LAMA2: variants seen among roughly 807,000 people sequenced by gnomAD.
LAMA2 encodes laminin subunit alpha 2, also known as laminin subunit alpha-2.
LAMA2 carries 269 observed loss-of-function variants against 364.8 expected under a neutral mutation model. The observed-to-expected ratio is 0.74, with a 90% CI of 0.67 to 0.82. LAMA2 has a LOEUF of 0.82. Among genes scored for constraint, LAMA2 ranks in the 40% least tolerant of loss-of-function variants. The pLI is 0.00. For missense variants in LAMA2, 3,807 were observed against 3,873.2 expected (o/e 0.98, Z 0.45); for synonymous variants, 1,379 against 1,370.6 (o/e 1.01, Z -0.14).
intron 5 of LAMA2, among the ~76,000 whole-genome samples, chr6:129,146,652 C>G (rs1172348106): frequency 6.6e-6 from 1 of 151,984 alleles, no homozygotes; most frequent in Non-Finnish European, 1.5e-5. Flanking sequence ...AATAGCTGTC[C>G]TTAGCCCCAG....
At chr6:129,401,447 T>A in intron 38 of LAMA2, 107 bp downstream of exon 38, 1 of 793,302 alleles carries the variant, frequency 1.3e-6, no homozygotes, top group South Asian at 1.4e-5. Flanking sequence ...CTTGTGGAGA[T>A]AAAATTATTT....
chr6:128,958,934 A>T (rs1364139491), intron 1 of LAMA2, among the ~76,000 whole-genome samples: 4 of 152,184 alleles, frequency 2.6e-5, no homozygotes, highest in Non-Finnish European at 4.4e-5. Context: ...CCTAGTATGG[A>T]AGACAAAGAT....
intron 17 of LAMA2, among the ~76,000 whole-genome samples, chr6:129,271,139 C>T (rs2448011): frequency 0.13 from 20,330 of 152,122 alleles, 2,245 homozygotes; most frequent in East Asian, 0.64. Context: ...GGGTTCTACC[C>T]ATACACTATT....
intron 1 of LAMA2, among the ~76,000 whole-genome samples, chr6:128,910,870 C>G (rs1174790198): frequency 1.3e-5 from 2 of 151,464 alleles, no homozygotes; most frequent in African/African-American, 4.9e-5. Flanking sequence ...GGACCCTCAA[C>G]TGCAGGTCTG....
At chr6:129,400,722 T>C (rs894909515) in intron 37 of LAMA2, among the ~76,000 whole-genome samples, 3 of 152,240 alleles carry the variant, frequency 2.0e-5, no homozygotes, top group African/African-American at 7.2e-5. Context: ...GTCCATTAGG[T>C]TGATTCTTCC....
chr6:129,248,658 C>T (rs960665793), intron 12 of LAMA2, among the ~76,000 whole-genome samples: 3 of 152,202 alleles, frequency 2.0e-5, no homozygotes, highest in African/African-American at 2.4e-5. Flanking sequence ...TCCCAAACCT[C>T]CTTTCAAACG....
intron 58 of LAMA2, among the ~76,000 whole-genome samples, chr6:129,493,465 C>T (rs929890895): frequency 1.3e-5 from 2 of 152,300 alleles, no homozygotes; most frequent in East Asian, 3.9e-4. Flanking sequence ...AGATCGGATG[C>T]TTTCAGGGTG....
chr6:129,474,561 C>G (rs1783976003), intron 52 of LAMA2, among the ~76,000 whole-genome samples: 1 of 152,098 alleles, frequency 6.6e-6, no homozygotes, highest in African/African-American at 2.4e-5. Flanking sequence ...GTGACAGGCT[C>G]CATACCAAAT....
chr6:129,008,093 A>G (rs1348860174), intron 1 of LAMA2, among the ~76,000 whole-genome samples: 1 of 152,176 alleles, frequency 6.6e-6, no homozygotes, highest in Non-Finnish European at 1.5e-5. Context: ...GTAGTTCACT[A>G]TTGAAATCAT....
At chr6:128,997,797 AAG>A (rs1784082688) in intron 1 of LAMA2, among the ~76,000 whole-genome samples, 1 of 152,184 alleles carries the variant, frequency 6.6e-6, no homozygotes. Context: ...TCTGTCTCAA[AAG>A]AAAAAAAAAG....
At chr6:129,177,588 T>C (rs1454207736) in intron 9 of LAMA2, 118 bp from the exon 10 acceptor site, 20 of 990,192 alleles carry the variant, frequency 2.0e-5, no homozygotes, top group South Asian at 2.9e-5. Flanking sequence ...TATTGATATA[T>C]ATAAAAAATC....
chr6:129,245,090 C>T (rs772673769), intron 12 of LAMA2, among the ~76,000 whole-genome samples: 14 of 152,088 alleles, frequency 9.2e-5, no homozygotes, highest in Non-Finnish European at 1.3e-4. Flanking sequence ...AAATTTTTTC[C>T]TGCAGTGCCT....
At position 129,473,323 on chromosome 6, in the gene LAMA2, T is replaced by C; in HGVS notation, c.7410T>C (p.Phe2470=). The C allele has an allele frequency of 1.2e-6, 2 of 1,612,642 alleles. No homozygotes were observed. Among genetic ancestry groups the C allele is most frequent in the South Asian group, 2.2e-5 (2 of 91,054 alleles). The part of the protein sequence containing the change: ...LDLKADDKIY[F]GGLPTLRNLS... Reference sequence around the variant, plus strand: ...TGAAAGCAGATGACAAAATATATTTTGGTGGCCTGCCAACGCTGAGAAACT... The same window carrying C: ...TGAAAGCAGATGACAAAATATATTTCGGTGGCCTGCCAACGCTGAGAAACT... The change falls in exon 52 of 65, where the codon TTT becomes TTC. Residue 2470 remains phenylalanine (F), a synonymous_variant. Coordinates refer to ENST00000421865, the MANE Select transcript of LAMA2 (RefSeq NM_000426.4).
intron 29 of LAMA2, among the ~76,000 whole-genome samples, chr6:129,334,002 C>T (rs747866503): frequency 2.7e-4 from 41 of 152,020 alleles, no homozygotes; most frequent in Non-Finnish European, 5.0e-4. Flanking sequence ...TGGTATAAAC[C>T]GTTATGCTCC....
At chr6:129,172,565 C>T (rs2115006493) in intron 9 of LAMA2, among the ~76,000 whole-genome samples, 1 of 152,358 alleles carries the variant, frequency 6.6e-6, no homozygotes, top group African/African-American at 2.4e-5. Flanking sequence ...GGGAGAACCA[C>T]TGCTCTCTTC....
intron 49 of LAMA2, among the ~76,000 whole-genome samples, chr6:129,463,587 T>C (rs1783378597): frequency 6.6e-6 from 1 of 152,166 alleles, no homozygotes; most frequent in East Asian, 1.9e-4. Flanking sequence ...ATATTTTAAA[T>C]GTATTCACAA....
chr6:129,310,748 A>T (rs1482634624), intron 22 of LAMA2, among the ~76,000 whole-genome samples: 5 of 152,152 alleles, frequency 3.3e-5, no homozygotes, highest in Admixed American at 3.3e-4. Flanking sequence ...GAGGAAAGAC[A>T]GTGAAGGAGT....
chr6:129,489,158 A>C (rs1784735417), intron 56 of LAMA2, among the ~76,000 whole-genome samples: 1 of 152,218 alleles, frequency 6.6e-6, no homozygotes, highest in Non-Finnish European at 1.5e-5. Context: ...TATTTGCATT[A>C]TCCCAACACT....
At chr6:129,018,945 A>G (rs901267561) in intron 1 of LAMA2, among the ~76,000 whole-genome samples, 1 of 151,992 alleles carries the variant, frequency 6.6e-6, no homozygotes, top group African/African-American at 2.4e-5. Flanking sequence ...CCATTATTAT[A>G]TTATTTTCCC....
Sources: allele counts gnomAD v4.1 joint callset (sites outside exome capture counted in the v4.1 genomes callset), GRCh38; gene constraint gnomAD v4.1.1; transcripts MANE v1.5; gene names NCBI Gene and HGNC (gene_info 2026-07-23, HGNC 2026-07-21).